CAMSAP2: variants seen among roughly 807,000 people sequenced by gnomAD.
CAMSAP2 encodes calmodulin-regulated spectrin-associated protein 2.
In CAMSAP2, 26 loss-of-function variants were observed where a neutral mutation model predicts 146.1. The ratio of observed to expected loss-of-function variants is 0.18; its 90% CI spans 0.13 to 0.25. The LOEUF is 0.25. Ranked by LOEUF, CAMSAP2 falls within the 10% of genes least tolerant of loss-of-function variation. CAMSAP2 has a pLI of 1.00. For missense variants in CAMSAP2, 1,381 were observed against 1,759.3 expected (o/e 0.78, Z 3.85); for synonymous variants, 499 against 596.6 (o/e 0.84, Z 2.38).
chr1:200,744,081 A>G (rs1199863533), intron 1 of CAMSAP2, among the ~76,000 whole-genome samples: 1 of 152,224 alleles, frequency 6.6e-6, no homozygotes, highest in Non-Finnish European at 1.5e-5. Context: ...TGGAAAGGTT[A>G]CTTATTCCAA....
rs150313821 is a variant in CAMSAP2, at chr1:200,795,589, G to A, written c.400-11787G>A. On this transcript the variant is annotated intron_variant, in intron 2 of 16. Coordinates refer to ENST00000358823, the MANE Select transcript of CAMSAP2 (RefSeq NM_203459.4). ...CAGATGAAGTCGATGAGTCTGCTCA[G>A]GAGACATATCTTTCATCTGTCTGGG... Among the ~76,000 whole-genome samples the A allele has an allele frequency of 3.8e-3, 579 of 152,262 alleles. 1 individual carries two copies. Among genetic ancestry groups the A allele is most frequent in the Non-Finnish European group, 4.8e-3 (326 of 68,032 alleles).
Position 200,821,180 on chromosome 1 carries a change from TC to T in CAMSAP2, c.645+5537del, listed in dbSNP as rs200810193. Among the ~76,000 whole-genome samples the T allele has an allele frequency of 4.2e-3, 622 of 148,400 alleles. 6 individuals are homozygous for T. The highest frequency in any genetic ancestry group is 0.011 in the African/African-American group (428 of 40,736). ...CCATATGTAGCCTGCTTCTTCTTCTTCTTTTTTTTTTTTCCTTTTGGAGACA... is the reference window on the plus strand; with the variant it reads ...CCATATGTAGCCTGCTTCTTCTTCTTTTTTTTTTTTTTCCTTTTGGAGACA... On this transcript the variant is annotated intron_variant, in intron 4 of 16. Coordinates refer to ENST00000358823, the MANE Select transcript of CAMSAP2 (RefSeq NM_203459.4).
chr1:200,848,271 G>A lies in CAMSAP2; in HGVS notation c.1502G>A (p.Cys501Tyr), dbSNP rs60174212. 5.2e-4 allele frequency: 841 copies of A among 1,613,418 alleles called. 2 individuals are homozygous for A. The African/African-American group carries it at 9.4e-3, about 18-fold the overall frequency. ...NIDSHSDLKSCVPLNTNELNS... is the reference protein window; with the variant it reads ...NIDSHSDLKSYVPLNTNELNS... ...GATTCTCACAGTGACCTCAAATCTTGTGTGCCCCTTAACACAAATGAACTA... is the reference window on the plus strand; with the variant it reads ...GATTCTCACAGTGACCTCAAATCTTATGTGCCCCTTAACACAAATGAACTA... The change falls in exon 11 of 17, where the codon TGT (cysteine) becomes TAT (tyrosine). Residue 501 changes from cysteine to tyrosine, a missense_variant. Physicochemically the swap from Cys to Tyr is radical, Grantham distance 194. This residue lies in a region of CAMSAP2 where 447 missense variants were observed against 462.2 expected (regional missense o/e 0.97). Transcript: ENST00000358823.
At chr1:200,841,897 G>T in intron 6 of CAMSAP2, 97 bp from the exon 7 acceptor site, 1 of 840,940 alleles carries the variant, frequency 1.2e-6, no homozygotes, top group East Asian at 2.6e-5. Flanking sequence ...CTCCAGTGAT[G>T]AATGAATGAG....
intron 3 of CAMSAP2, among the ~76,000 whole-genome samples, chr1:200,811,856 A>G (rs1025278299): frequency 1.3e-5 from 2 of 152,114 alleles, no homozygotes; most frequent in African/African-American, 2.4e-5. Context: ...GCTCATGGCC[A>G]CTGTTCCCCT....
At chr1:200,744,822 G>A (rs919185702) in intron 1 of CAMSAP2, among the ~76,000 whole-genome samples, 10 of 152,100 alleles carry the variant, frequency 6.6e-5, no homozygotes, top group African/African-American at 2.4e-4. Context: ...CCCAGGTAGT[G>A]CTAATGAAAC....
In CAMSAP2 at chr1:200,858,987, TTTACA is replaced by T. The variant is rs1214284457; in HGVS notation, c.*932_*936del. On this transcript the variant is annotated 3_prime_UTR_variant, in exon 17 of 17. Coordinates refer to ENST00000358823, the MANE Select transcript of CAMSAP2 (RefSeq NM_203459.4). Reference sequence around the variant, plus strand: ...TCCTGAAACAAGTTCTCAAGAAGTCTTTACATTATATTTATAACTCATATAAAAAT... The same window carrying T: ...TCCTGAAACAAGTTCTCAAGAAGTCTTTATATTTATAACTCATATAAAAAT... The T allele has an allele frequency of 6.6e-6, 1 of 152,548 alleles. No homozygotes were observed. The highest frequency in any genetic ancestry group is 1.5e-5 in the Non-Finnish European group (1 of 67,934). 9.4% of individuals were successfully genotyped at this position (152,548 alleles called of 1,614,324 possible). A position where few individuals can be genotyped will look rare whatever the true frequency, so the allele number is the denominator to read the frequency against.
chr1:200,758,686 A>G (rs796615744), intron 1 of CAMSAP2, among the ~76,000 whole-genome samples: 2 of 152,294 alleles, frequency 1.3e-5, no homozygotes, highest in African/African-American at 2.4e-5. Context: ...TTCAAACTCA[A>G]TATGTCTAAA....
chr1:200,773,422 T>A (rs1401984377), intron 2 of CAMSAP2, among the ~76,000 whole-genome samples: 1 of 150,302 alleles, frequency 6.7e-6, no homozygotes, highest in Non-Finnish European at 1.5e-5. Context: ...CCTGGCTAGT[T>A]TTTTTTGTAT....
In CAMSAP2 at chr1:200,848,713, G is replaced by A; in HGVS notation, c.1944G>A (p.Gln648=). The change falls in exon 11 of 17, where the codon CAG becomes CAA. Residue 648 remains glutamine (Q), a synonymous_variant. Transcript: ENST00000358823. ...SDMDDASKFL[Q]DYDIRTGNTR... is the part of the protein sequence containing the mutation. Reference sequence around the variant, plus strand: ...TGGATGATGCATCTAAATTTCTTCAGGATTATGATATTCGAACTGGCAACA... The same window carrying A: ...TGGATGATGCATCTAAATTTCTTCAAGATTATGATATTCGAACTGGCAACA... The A allele has an allele frequency of 1.2e-6, 2 of 1,614,058 alleles. No homozygotes were observed. Among genetic ancestry groups the A allele is most frequent in the Non-Finnish European group, 1.7e-6 (2 of 1,179,976 alleles).
chr1:200,856,212 C>T, intron 15 of CAMSAP2, 87 bp downstream of exon 15: 1 of 902,664 alleles, frequency 1.1e-6, no homozygotes, highest in Non-Finnish European at 1.8e-6. Flanking sequence ...TATTGGCTCA[C>T]CTTTGGGTCT....
At chr1:200,824,168 G>T (rs1666845306) in intron 4 of CAMSAP2, among the ~76,000 whole-genome samples, 1 of 150,106 alleles carries the variant, frequency 6.7e-6, no homozygotes, top group East Asian at 1.9e-4. Flanking sequence ...AATGGTCTTA[G>T]ATTTGGCCAA....
chr1:200,818,107 A>G (rs769938122), intron 4 of CAMSAP2, among the ~76,000 whole-genome samples: 1 of 152,182 alleles, frequency 6.6e-6, no homozygotes, highest in Non-Finnish European at 1.5e-5. Context: ...TTGAAGTGGC[A>G]TCATTCTAAA....
chr1:200,796,256 A>G (rs187452935), intron 2 of CAMSAP2, among the ~76,000 whole-genome samples: 139 of 152,300 alleles, frequency 9.1e-4, no homozygotes, highest in Admixed American at 3.7e-3. Flanking sequence ...TAGTTAAACA[A>G]AATTTTTTGT....
intron 1 of CAMSAP2, among the ~76,000 whole-genome samples, chr1:200,748,375 C>T (rs1238512586): frequency 3.9e-5 from 6 of 152,190 alleles, no homozygotes; most frequent in Non-Finnish European, 5.9e-5. Flanking sequence ...ACTGTTGTCA[C>T]AGAATTCCAT....
chr1:200,746,372 A>C (rs1484716012), intron 1 of CAMSAP2, among the ~76,000 whole-genome samples: 1 of 152,192 alleles, frequency 6.6e-6, no homozygotes, highest in Non-Finnish European at 1.5e-5. Context: ...GTGGAAGAAA[A>C]GATGAGATCT....
chr1:200,807,360 T>C lies in CAMSAP2; in HGVS notation c.400-16T>C, dbSNP rs201642655. ...ATATAATTTTTAAACTATTTGTTCT[T>C]GTTTTATATTTTCAGAGTGCACATT... On this transcript the variant is annotated splice_polypyrimidine_tract_variant and intron_variant, in intron 2 of 16. Transcript: ENST00000358823. The C allele has an allele frequency of 2.6e-4, 382 of 1,474,354 alleles. No individual in the cohort carries two copies. The African/African-American group carries it at 4.6e-3, about 18-fold the overall frequency. The allele number at this position is 1,474,354 out of a possible 1,614,324, so 91.3% of individuals were successfully genotyped here.
rs1666897213 is a variant in CAMSAP2 at position 200,826,040 on chromosome 1, T to G, written c.646-6160T>G. 2.6e-5 allele frequency among the ~76,000 whole-genome samples: 4 copies of G among 152,216 alleles called. 1 individual carries two copies. In the South Asian group the frequency reaches 8.3e-4, roughly 32 times the overall value. ...GGGTAAATGCATACTGTATGTAGTT[T>G]TGTTAAATGTTGACGAAATCCCCTC... On this transcript the variant is annotated intron_variant, in intron 4 of 16. Transcript: ENST00000358823.
At chr1:200,780,992 C>T (rs781206075) in intron 2 of CAMSAP2, among the ~76,000 whole-genome samples, 3 of 152,132 alleles carry the variant, frequency 2.0e-5, no homozygotes, top group Non-Finnish European at 4.4e-5. Flanking sequence ...ATAAAACTAG[C>T]GCCATGAGGC....
Sources: gnomAD v4.1 joint callset for allele counts (sites outside exome capture counted in the v4.1 genomes callset) on GRCh38, gnomAD v4.1.1 for gene constraint, gnomAD v4.1.1 regional missense constraint, MANE v1.5 for transcripts, NCBI Gene and HGNC (gene_info 2026-07-23, HGNC 2026-07-21) for gene names.